Variants in OSBPL9 observed in about 807,000 individuals in gnomAD.
OSBPL9 encodes oxysterol-binding protein-related protein 9.
A neutral mutation model predicts 106.6 loss-of-function variants in OSBPL9; 40 were observed. That is an observed-to-expected ratio of 0.38 (90% CI 0.29 to 0.49). The LOEUF (loss-of-function observed/expected upper bound fraction) is 0.49, where lower values mean the gene tolerates loss of function less well. Among genes scored for constraint, OSBPL9 ranks in the 20% least tolerant of loss-of-function variants. The probability of loss-of-function intolerance (pLI) is 0.97; values close to 1 mark genes in which losing one functional copy is unlikely to be tolerated. For missense variants in OSBPL9, 609 were observed against 887.2 expected (o/e 0.69, Z 3.98); for synonymous variants, 269 against 295.4 (o/e 0.91, Z 0.92).
intron 1 of OSBPL9, among the ~76,000 whole-genome samples, chr1:51,621,481 G>A (rs1644431883): frequency 6.6e-6 from 1 of 151,206 alleles, no homozygotes; most frequent in Admixed American, 6.6e-5. Flanking sequence ...ACTCCAGCCT[G>A]GGCGACAAAG....
intron 2 of OSBPL9, among the ~76,000 whole-genome samples, chr1:51,658,160 T>C (rs1315476353): frequency 1.3e-5 from 2 of 151,304 alleles, no homozygotes; most frequent in East Asian, 1.9e-4. Flanking sequence ...ATACAGGGCA[T>C]GTATGTAATG....
At chr1:51,742,029 AGG>A (rs1667039043) in intron 4 of OSBPL9, among the ~76,000 whole-genome samples, 1 of 152,194 alleles carries the variant, frequency 6.6e-6, no homozygotes, top group African/African-American at 2.4e-5. Flanking sequence ...GAGAACAGAA[AGG>A]TAAGAGAAAT....
intron 12 of OSBPL9, among the ~76,000 whole-genome samples, chr1:51,771,050 C>T (rs1673761636): frequency 6.6e-6 from 1 of 152,038 alleles, no homozygotes; most frequent in Non-Finnish European, 1.5e-5. Context: ...GGGAGGTTTG[C>T]AGGTGTGGAG....
intron 22 of OSBPL9, 75 bp from the exon 23 acceptor site, chr1:51,787,278 G>A (rs947068602): frequency 3.5e-6 from 5 of 1,443,930 alleles, no homozygotes; most frequent in Non-Finnish European, 4.8e-6. Flanking sequence ...CATTTGACTT[G>A]TATTATACTA....
At chr1:51,604,915 G>T (rs191424848) in intron 2 of OSBPL9, among the ~76,000 whole-genome samples, 40 of 152,098 alleles carry the variant, frequency 2.6e-4, no homozygotes, top group Non-Finnish European at 5.0e-4. Context: ...GCCTCCCAAA[G>T]TGCTGGGATT....
At chr1:51,743,954 A>T (rs939551904) in intron 4 of OSBPL9, among the ~76,000 whole-genome samples, 1 of 152,098 alleles carries the variant, frequency 6.6e-6, no homozygotes, top group Non-Finnish European at 1.5e-5. Context: ...TGGATTTTGT[A>T]TACATTGTTT....
At chr1:51,753,148 A>T (rs1305034801) in intron 8 of OSBPL9, among the ~76,000 whole-genome samples, 1 of 152,182 alleles carries the variant, frequency 6.6e-6, no homozygotes, top group East Asian at 1.9e-4. Flanking sequence ...CTTTAGGTAA[A>T]TTTAATCAGT....
intron 2 of OSBPL9, among the ~76,000 whole-genome samples, chr1:51,599,217 AC>A (rs1445763734): frequency 6.6e-6 from 1 of 152,190 alleles, no homozygotes; most frequent in South Asian, 2.1e-4. Context: ...CATCTCTAAA[AC>A]AAAAAACAAA....
chr1:51,627,706 A>G (rs1341165855), intron 1 of OSBPL9, among the ~76,000 whole-genome samples: 2 of 151,352 alleles, frequency 1.3e-5, no homozygotes, highest in Non-Finnish European at 2.9e-5. Flanking sequence ...ACTTTGAAAA[A>G]TGTCTCTCCT....
chr1:51,623,048 A>G (rs1644540330), intron 1 of OSBPL9, among the ~76,000 whole-genome samples: 1 of 152,182 alleles, frequency 6.6e-6, no homozygotes, highest in African/African-American at 2.4e-5. Flanking sequence ...GGAAGTAGTA[A>G]ATTGGCTTGA....
the OSBPL9 span, among the ~76,000 whole-genome samples, chr1:51,570,541 G>T: frequency 2.6e-5 from 4 of 152,272 alleles, no homozygotes; most frequent in Non-Finnish European, 1.5e-5. Context: ...GGGAGGAAAG[G>T]TTACTTACTC....
At chr1:51,600,104 A>G (rs1570538492) in intron 2 of OSBPL9, among the ~76,000 whole-genome samples, 1 of 152,326 alleles carries the variant, frequency 6.6e-6, no homozygotes, top group East Asian at 1.9e-4. Flanking sequence ...TCTCAAAACC[A>G]TCACCTTGGT....
At chr1:51,565,874 T>G in the OSBPL9 span, 1 of 152,258 alleles carries the variant, frequency 6.6e-6, no homozygotes, top group Non-Finnish European at 1.5e-5. Flanking sequence ...TATTTTGATC[T>G]TTGTTTTCTT....
At chr1:51,713,764 G>T (rs571835607) in intron 3 of OSBPL9, among the ~76,000 whole-genome samples, 2 of 152,170 alleles carry the variant, frequency 1.3e-5, no homozygotes, top group East Asian at 3.9e-4. Flanking sequence ...CAGTGGGAAG[G>T]TTGGTCTGAA....
At chr1:51,734,911 T>C (rs78119173) in intron 4 of OSBPL9, among the ~76,000 whole-genome samples, 2,784 of 152,328 alleles carry the variant, frequency 0.018, 46 homozygotes, top group African/African-American at 0.044. Flanking sequence ...ATCCAAAAAA[T>C]ATACATTCTT....
upstream of OSBPL9, among the ~76,000 whole-genome samples, chr1:51,573,214 A>G (rs944113121): frequency 9.3e-6 from 1 of 107,314 alleles, no homozygotes; most frequent in African/African-American, 6.8e-5. Context: ...TCCATCTCCA[A>G]AAAAAAAAAA....
At chr1:51,722,514 T>G (rs1410926925) in intron 4 of OSBPL9, among the ~76,000 whole-genome samples, 1 of 152,228 alleles carries the variant, frequency 6.6e-6, no homozygotes, top group East Asian at 1.9e-4. Context: ...TATAGCATAG[T>G]ACCTGACATT....
intron 1 of OSBPL9, among the ~76,000 whole-genome samples, chr1:51,593,736 T>A (rs13375698): frequency 0.03 from 4,642 of 152,210 alleles, 229 homozygotes; most frequent in African/African-American, 0.1. Flanking sequence ...CACCAGTATC[T>A]GTACCATTGA....
chr1:51,779,583 A>T (rs1675834299), intron 15 of OSBPL9, among the ~76,000 whole-genome samples: 1 of 152,224 alleles, frequency 6.6e-6, no homozygotes, highest in South Asian at 2.1e-4. Context: ...CAGCAAAAGA[A>T]ATAACAGAGT....
Sources: gnomAD v4.1 joint callset for allele counts (sites outside exome capture counted in the v4.1 genomes callset) on GRCh38, gnomAD v4.1.1 for gene constraint, MANE v1.5 for transcripts, NCBI Gene and HGNC (gene_info 2026-07-23, HGNC 2026-07-21) for gene names.